LRSAM1: variants seen among roughly 807,000 people sequenced by gnomAD.
LRSAM1 encodes the protein E3 ubiquitin-protein ligase LRSAM1.
Under a neutral mutation model 118.1 loss-of-function variants are expected in LRSAM1, and 96 were observed. That is an observed-to-expected ratio of 0.81 (90% CI 0.69 to 0.96). The LOEUF (loss-of-function observed/expected upper bound fraction) is 0.96. Among genes scored for constraint, LRSAM1 ranks in the 40% least tolerant of loss-of-function variants. The pLI, the probability that LRSAM1 is intolerant of heterozygous loss-of-function variation, is 0.00. For synonymous variants in LRSAM1, 322 were observed against 364.2 expected (o/e 0.88, Z 1.32); for missense variants, 804 against 915.5 (o/e 0.88, Z 1.57).
Position 127,454,591 on chromosome 9 carries a change from AT to A in LRSAM1, c.65del (p.Met22SerfsTer39), listed in dbSNP as rs1564248300. ...EEARKRLEYQ[M>X]CLAKEAGADD... ...GGCTCGGAAACGCCTGGAGTACCAG[AT>A]GTGTTTGGTGAGGGAAAGTGGGTTT... On this transcript the variant is annotated frameshift_variant, in exon 3 of 26. Transcript: ENST00000300417. LOFTEE classifies it high-confidence loss of function. 6.2e-7 allele frequency: 1 copy of A among 1,613,838 alleles called. No homozygotes were observed.
At chr9:127,469,825 C>T (rs939584673) in intron 10 of LRSAM1, among the ~76,000 whole-genome samples, 13 of 152,062 alleles carry the variant, frequency 8.5e-5, no homozygotes, top group East Asian at 5.8e-4. Flanking sequence ...ATTAGCAAGG[C>T]GTGGTGGCGG....
At chr9:127,461,316 G>A (rs372576882) in intron 8 of LRSAM1, 59 bp downstream of exon 8, 83 of 1,505,670 alleles carry the variant, frequency 5.5e-5, no homozygotes, top group African/African-American at 2.5e-4. Flanking sequence ...CATCCTGGCC[G>A]GGATCCACAG....
In LRSAM1 at chr9:127,455,431, GC is replaced by G. The variant is rs1048820114; in HGVS notation, c.130-141del. 5 of 827,556 alleles carry G rather than the reference GC, an allele frequency of 6.0e-6. No homozygotes were observed. The African/African-American group carries it at 6.7e-5, about 11-fold the overall frequency. The allele number at this position is 827,556 out of a possible 1,614,324, so 51.3% of individuals were successfully genotyped here. On this transcript the variant is annotated intron_variant, in intron 4 of 25. Coordinates refer to ENST00000300417, the MANE Select transcript of LRSAM1 (RefSeq NM_001005373.4). The stretch of plus-strand genomic sequence containing the variant: ...CCCAACACCACTGCTTGCCAGCCTT[GC>G]CCCTGGGCTCAGCACTGCCACCTGC...
At chr9:127,502,567 G>A (rs529406140) in intron 25 of LRSAM1, among the ~76,000 whole-genome samples, 80 of 151,416 alleles carry the variant, frequency 5.3e-4, no homozygotes, top group African/African-American at 1.6e-3. Flanking sequence ...CACGCCTGTA[G>A]TCCCAGCTAC....
rs1834620758 is a variant in LRSAM1 at position 127,458,707 on chromosome 9, T to C, written c.253-296T>C. The stretch of plus-strand genomic sequence containing the variant: ...TATTTTATCGCATATTTGAAAGTCT[T>C]ACATATTTATACAATGGAGTGTTTC... On this transcript the variant is annotated intron_variant, in intron 6 of 25. Transcript: ENST00000300417. Among the ~76,000 whole-genome samples, 4 of 152,256 alleles carry C rather than the reference T, an allele frequency of 2.6e-5. No individual in the cohort carries two copies. In the South Asian group the frequency reaches 8.3e-4, roughly 31 times the overall value.
chr9:127,496,117 G>A (rs374054572), intron 23 of LRSAM1, 22 bp downstream of exon 23: 3 of 1,605,050 alleles, frequency 1.9e-6, no homozygotes, highest in African/African-American at 1.3e-5. Context: ...CCGTCTGCAT[G>A]GAGGGGAGGG....
intron 12 of LRSAM1, among the ~76,000 whole-genome samples, 198 bp downstream of exon 12, chr9:127,479,161 T>C (rs992027989): frequency 2.0e-5 from 3 of 152,180 alleles, no homozygotes; most frequent in Non-Finnish European, 4.4e-5. Flanking sequence ...GTGCAGAGAC[T>C]GAGGCTCAGA....
At chr9:127,497,778 G>C (rs528285378) in intron 24 of LRSAM1, among the ~76,000 whole-genome samples, 1 of 152,234 alleles carries the variant, frequency 6.6e-6, no homozygotes, top group Non-Finnish European at 1.5e-5. Flanking sequence ...CGTGAGGCCC[G>C]TGGGGAGAAG....
chr9:127,469,730 G>A (rs1177469372), intron 10 of LRSAM1, among the ~76,000 whole-genome samples: 1 of 152,164 alleles, frequency 6.6e-6, no homozygotes, highest in Admixed American at 6.5e-5. Flanking sequence ...TTGGGAGGCC[G>A]AGGTGGGCGG....
Position 127,479,499 on chromosome 9 carries a change from C to A in LRSAM1, c.897C>A (p.Val299=). 2 of 1,613,844 alleles carry A rather than the reference C, an allele frequency of 1.2e-6. No homozygotes were observed. The highest frequency in any genetic ancestry group is 2.2e-5 in the South Asian group (2 of 90,996). Residue 299 remains valine (V), a synonymous_variant, in exon 13 of 26, where the codon GTC becomes GTA. Transcript: ENST00000300417. ...AGAAGGATGAGATCCTTCAGACGGT[C>A]AAGGAGGTTTGTGAGCCGCCTGCTA... ...SSQKDEILQT[V]KEEQSRLEQG...
intron 24 of LRSAM1, among the ~76,000 whole-genome samples, chr9:127,498,655 G>A (rs961836796): frequency 1.3e-5 from 2 of 152,228 alleles, no homozygotes; most frequent in East Asian, 3.8e-4. Flanking sequence ...CCCATTGGCA[G>A]GGGAAGGGGC....
intron 11 of LRSAM1, among the ~76,000 whole-genome samples, chr9:127,475,796 AGT>A (rs1346045155): frequency 2.6e-5 from 4 of 151,912 alleles, no homozygotes; most frequent in African/African-American, 9.7e-5. Flanking sequence ...GCTGGAGTGC[AGT>A]GGTGCAATCT....
In LRSAM1 at chr9:127,459,087, C is replaced by T. The variant is rs1834637427; in HGVS notation, c.321+16C>T. On this transcript the variant is annotated intron_variant, in intron 7 of 25. Transcript: ENST00000300417. ...TGCCCTCCAGGTAAGGCTGCAGAAA[C>T]AGAAACCCACCTCGGATGGCCTTAG... 1 of 1,612,760 alleles carries T rather than the reference C, an allele frequency of 6.2e-7. No homozygotes were observed. Among genetic ancestry groups the T allele is most frequent in the Non-Finnish European group, 8.5e-7 (1 of 1,179,814 alleles).
At chr9:127,478,401 C>T (rs1835415006) in intron 11 of LRSAM1, among the ~76,000 whole-genome samples, 1 of 152,228 alleles carries the variant, frequency 6.6e-6, no homozygotes, top group Non-Finnish European at 1.5e-5. Context: ...AGGGATCTCA[C>T]ACATTCGCCC....
At position 127,455,069 on chromosome 9, in the gene LRSAM1, G is replaced by A; in HGVS notation, c.129+15G>A. On this transcript the variant is annotated intron_variant, in intron 4 of 25. Transcript: ENST00000300417. ...AGCTCTCAGAGGTAAACTGAGGATA[G>A]TGTTGGGCTGTGAATTGGATCTGTC... 1 of 1,613,338 alleles carries A rather than the reference G, an allele frequency of 6.2e-7. No homozygotes were observed. Among genetic ancestry groups the A allele is most frequent in the East Asian group, 2.2e-5 (1 of 44,882 alleles).
At chr9:127,462,184 C>T (rs191190900) in intron 8 of LRSAM1, 68 bp from the exon 9 acceptor site, 25 of 1,606,044 alleles carry the variant, frequency 1.6e-5, no homozygotes, top group African/African-American at 4.0e-5. Context: ...TGGCTCCCAG[C>T]GGGCATCAGG....
Position 127,468,030 on chromosome 9 carries a change from C to T in LRSAM1, c.619+200C>T, listed in dbSNP as rs141972828. On this transcript the variant is annotated intron_variant, in intron 10 of 25. Transcript: ENST00000300417. ...GATACAGACTGTGGTTATGGGAGTG[C>T]AGTGGTGCAGCTGATTTAGGTTGGG... Among the ~76,000 whole-genome samples, 359 of 152,270 alleles carry T rather than the reference C, an allele frequency of 2.4e-3. 5 individuals are homozygous for T. The East Asian group carries it at 0.026, about 11-fold the overall frequency.
intron 24 of LRSAM1, among the ~76,000 whole-genome samples, chr9:127,499,266 C>CG (rs1425630524): frequency 1.3e-5 from 2 of 151,850 alleles, no homozygotes; most frequent in Admixed American, 6.6e-5. Context: ...TCCAGCTACT[C>CG]GGGGGGCAAA....
chr9:127,464,618 C>T (rs1198750545), intron 9 of LRSAM1, among the ~76,000 whole-genome samples: 4 of 151,616 alleles, frequency 2.6e-5, no homozygotes, highest in Non-Finnish European at 5.9e-5. Flanking sequence ...GAAGCCATCT[C>T]GACATCTAGT....
Sources: allele counts gnomAD v4.1 joint callset (sites outside exome capture counted in the v4.1 genomes callset), GRCh38; gene constraint gnomAD v4.1.1; transcripts MANE v1.5; gene names NCBI Gene and HGNC (gene_info 2026-07-23, HGNC 2026-07-21).